Variants in BTBD9 observed in about 807,000 individuals in gnomAD.
BTBD9 encodes the protein BTB domain containing 9.
A neutral mutation model predicts 64.3 loss-of-function variants in BTBD9; 49 were observed. That is an observed-to-expected ratio of 0.76 (90% CI 0.61 to 0.97). The LOEUF (loss-of-function observed/expected upper bound fraction) is 0.97, where lower values mean the gene tolerates loss of function less well. BTBD9 is among the 50% of genes least tolerant of loss of function. The pLI, the probability that BTBD9 is intolerant of heterozygous loss-of-function variation, is 0.00. For missense variants in BTBD9, 598 were observed against 762.1 expected, an observed-to-expected ratio of 0.78 and a Z score of 2.53; for synonymous variants, 260 against 274.7, an observed-to-expected ratio of 0.95 and a Z score of 0.53.
At chr6:38,177,172 G>A (rs1221746112) in intron 10 of BTBD9, among the ~76,000 whole-genome samples, 8 of 152,020 alleles carry the variant, frequency 5.3e-5, no homozygotes, top group Non-Finnish European at 1.0e-4. Flanking sequence ...CAATATCTCC[G>A]GAGGCCGCTC....
intron 1 of BTBD9, among the ~76,000 whole-genome samples, chr6:38,619,896 A>G (rs960241860): frequency 2.6e-5 from 4 of 152,238 alleles, no homozygotes; most frequent in African/African-American, 4.8e-5. Flanking sequence ...AGGGAGGGAC[A>G]TATTAGCCAA....
chr6:38,559,539 A>C (rs1775181761), intron 6 of BTBD9, among the ~76,000 whole-genome samples: 1 of 152,158 alleles, frequency 6.6e-6, no homozygotes, highest in Admixed American at 6.5e-5. Context: ...TTCCTATCAA[A>C]GTATCAACAT....
rs1196422494 is a variant in BTBD9 at position 38,237,837 on chromosome 6, G to GT, written c.1562+18571dup. Among the ~76,000 whole-genome samples, 22 of 89,868 alleles carry GT rather than the reference G, an allele frequency of 2.4e-4. No homozygotes were observed. The East Asian group carries it at 3.5e-3, about 14-fold the overall frequency. The allele number at this position is 89,868 out of a possible 152,430, so 59.0% of individuals were successfully genotyped here. ...TTCCTTTTCAATGGTATTTTCCAAT[G>GT]TTTTAAAAAAAAAAAATCAGCCAGA... On this transcript the variant is annotated intron_variant, in intron 9 of 10. Coordinates refer to ENST00000481247, the MANE Select transcript of BTBD9 (RefSeq NM_001099272.2).
At chr6:38,576,000 C>T (rs1776009878) in intron 6 of BTBD9, among the ~76,000 whole-genome samples, 1 of 152,202 alleles carries the variant, frequency 6.6e-6, no homozygotes, top group Non-Finnish European at 1.5e-5. Context: ...CGTTTCCATA[C>T]ATACAACAGG....
intron 6 of BTBD9, among the ~76,000 whole-genome samples, chr6:38,376,869 A>T (rs1012135293): frequency 6.6e-6 from 1 of 152,192 alleles, no homozygotes; most frequent in African/African-American, 2.4e-5. Context: ...GATAATTAGA[A>T]TTACAATGAC....
intron 7 of BTBD9, among the ~76,000 whole-genome samples, chr6:38,340,594 GA>G (rs1764060577): frequency 6.6e-6 from 1 of 152,290 alleles, no homozygotes; most frequent in East Asian, 1.9e-4. Flanking sequence ...TGTCACCCTT[GA>G]AGGATGCTAG....
chr6:38,636,353 A>C (rs1778526267), intron 1 of BTBD9, among the ~76,000 whole-genome samples: 1 of 152,190 alleles, frequency 6.6e-6, no homozygotes, highest in African/African-American at 2.4e-5. Context: ...ACCATCTCAT[A>C]AACTCTGAAG....
chr6:38,584,785 T>G (rs1475459266), intron 4 of BTBD9, among the ~76,000 whole-genome samples: 2 of 152,156 alleles, frequency 1.3e-5, no homozygotes, highest in African/African-American at 4.8e-5. Flanking sequence ...ACAAGTGACT[T>G]TCTTGACAAT....
chr6:38,178,593 G>A (rs1031232520), intron 10 of BTBD9, among the ~76,000 whole-genome samples: 11 of 152,132 alleles, frequency 7.2e-5, no homozygotes, highest in African/African-American at 2.2e-4. Flanking sequence ...TGGGGGAGGA[G>A]ACATCTGAGG....
intron 1 of BTBD9, among the ~76,000 whole-genome samples, chr6:38,631,782 C>A (rs1056981240): frequency 5.3e-5 from 8 of 152,178 alleles, no homozygotes; most frequent in African/African-American, 1.9e-4. Context: ...GCCAGAACTA[C>A]CCAGCTACGC....
chr6:38,577,427 A>G lies in BTBD9; in HGVS notation c.1154+173T>C, dbSNP rs148948292. Reference sequence around the variant, plus strand: ...ATAAATAGTTCCACAACACACTGTAAATATTAAGATGCATGATTTTCCATA... The same window carrying G: ...ATAAATAGTTCCACAACACACTGTAGATATTAAGATGCATGATTTTCCATA... On this transcript the variant is annotated intron_variant, in intron 6 of 10. Transcript: ENST00000481247. Among the ~76,000 whole-genome samples the G allele has an allele frequency of 2.7e-3, 416 of 152,332 alleles. 3 individuals carry two copies. Among genetic ancestry groups the G allele is most frequent in the African/African-American group, 9.6e-3 (399 of 41,572 alleles).
At position 38,172,287 on chromosome 6, in the gene BTBD9, C is replaced by T. The variant is rs45457994; in HGVS notation, c.*2698G>A. On this transcript the variant is annotated 3_prime_UTR_variant, in exon 11 of 11. Transcript: ENST00000481247. The stretch of plus-strand genomic sequence containing the variant: ...TGCTTTTAGCTTCAAGTGTTTAGGT[C>T]GCTTTGGTCCTGGTGGCCCAGGGGA... 8,892 of 152,474 alleles carry T rather than the reference C, an allele frequency of 0.058. 409 individuals carry two copies. The highest frequency in any genetic ancestry group is 0.14 in the Middle Eastern group (41 of 298). 9.4% of individuals were successfully genotyped at this position (152,474 alleles called of 1,614,324 possible). A position where few individuals can be genotyped will look rare whatever the true frequency, so the allele number is the denominator to read the frequency against.
chr6:38,614,273 CT>C (rs1364998997), intron 1 of BTBD9, among the ~76,000 whole-genome samples: 4 of 152,160 alleles, frequency 2.6e-5, no homozygotes, highest in Admixed American at 6.5e-5. Context: ...ATCACCGCCC[CT>C]ATCATACCTT....
At chr6:38,540,837 TAAA>T (rs1554167595) in intron 6 of BTBD9, among the ~76,000 whole-genome samples, 2 of 152,220 alleles carry the variant, frequency 1.3e-5, no homozygotes, top group Non-Finnish European at 2.9e-5. Flanking sequence ...ATAAATTTTT[TAAA>T]AACATAAAAT....
intron 6 of BTBD9, among the ~76,000 whole-genome samples, chr6:38,476,538 T>A: frequency 6.6e-6 from 1 of 152,260 alleles, no homozygotes. Flanking sequence ...ATTTGAATCC[T>A]GCTTTGCTCT....
chr6:38,504,062 A>G (rs1364571791), intron 6 of BTBD9, among the ~76,000 whole-genome samples: 1 of 152,048 alleles, frequency 6.6e-6, no homozygotes. Context: ...TGTTCAGCTT[A>G]GATACTATGG....
At chr6:38,319,534 G>A (rs146013853) in intron 7 of BTBD9, among the ~76,000 whole-genome samples, 2 of 151,970 alleles carry the variant, frequency 1.3e-5, no homozygotes, top group East Asian at 2.0e-4. Flanking sequence ...GGTCCTTCCC[G>A]TCAGGGCAGC....
chr6:38,322,423 C>G (rs1403039157), intron 7 of BTBD9, among the ~76,000 whole-genome samples: 1 of 152,146 alleles, frequency 6.6e-6, no homozygotes, highest in Non-Finnish European at 1.5e-5. Context: ...GATTAACTAA[C>G]CTATCCCTTT....
intron 9 of BTBD9, among the ~76,000 whole-genome samples, chr6:38,252,590 G>A (rs529372232): frequency 5.9e-5 from 9 of 151,980 alleles, no homozygotes; most frequent in Admixed American, 3.3e-4. Context: ...CAATGCTATC[G>A]CATCTAAGTG....
Sources: gnomAD v4.1 joint callset for allele counts (sites outside exome capture counted in the v4.1 genomes callset) on GRCh38, gnomAD v4.1.1 for gene constraint, MANE v1.5 for transcripts, NCBI Gene and HGNC (gene_info 2026-07-23, HGNC 2026-07-21) for gene names.